The following SLC44A5 variants were observed in gnomAD, a reference collection of about 807,000 sequenced individuals.
SLC44A5 encodes the protein solute carrier family 44 member 5.
SLC44A5 carries 57 observed loss-of-function variants against 101.8 expected under a neutral mutation model. That is an observed-to-expected ratio of 0.56 (90% CI 0.45 to 0.70). The LOEUF is 0.70. SLC44A5 is among the 30% of genes least tolerant of loss of function. The probability of loss-of-function intolerance (pLI) is 0.00; values close to 1 mark genes in which losing one functional copy is unlikely to be tolerated. For synonymous variants in SLC44A5, 281 were observed against 290.9 expected (o/e 0.97, Z 0.35); for missense variants, 737 against 853.1 (o/e 0.86, Z 1.70).
chr1:75,453,999 A>C (rs1274180648), intron 2 of SLC44A5, among the ~76,000 whole-genome samples: 2 of 152,108 alleles, frequency 1.3e-5, no homozygotes, highest in African/African-American at 4.8e-5. Flanking sequence ...AATTCTACTG[A>C]AACTATCCCA....
chr1:75,367,222 G>C lies in SLC44A5; in HGVS notation c.53-27592C>G, dbSNP rs527441849. Among the ~76,000 whole-genome samples, 176 of 152,320 alleles carry C rather than the reference G, an allele frequency of 1.2e-3. 2 individuals are homozygous for C. In the South Asian group the frequency reaches 0.012, roughly 10 times the overall value. On this transcript the variant is annotated intron_variant, in intron 3 of 23. Coordinates refer to ENST00000370859, the MANE Select transcript of SLC44A5 (RefSeq NM_001130058.2). ...GTTAGGTCCCCAGGATAATGGGATT[G>C]CCTCTGGAATTTCAGTTCAGTGAGG...
Position 75,531,666 on chromosome 1 carries a change from G to C in SLC44A5, c.13+9769C>G, listed in dbSNP as rs1245598349. 2.0e-5 allele frequency among the ~76,000 whole-genome samples: 3 copies of C among 152,076 alleles called. No homozygotes were observed. The East Asian group carries it at 5.8e-4, about 29-fold the overall frequency. On this transcript the variant is annotated intron_variant, in intron 2 of 23. Transcript: ENST00000370859. ...AAAGCTCTACAGGGACCTGGCAATG[G>C]GAAAATATTCATATCTCCAATCTCT...
At chr1:75,220,647 G>A (rs1215196365) in intron 14 of SLC44A5, among the ~76,000 whole-genome samples, 1 of 152,090 alleles carries the variant, frequency 6.6e-6, no homozygotes, top group Non-Finnish European at 1.5e-5. Context: ...CATGGCTTGT[G>A]AAATGTTCAC....
At chr1:75,647,825 G>A in the SLC44A5 span, among the ~76,000 whole-genome samples, 1 of 152,156 alleles carries the variant, frequency 6.6e-6, no homozygotes, top group African/African-American at 2.4e-5. Context: ...ATTGTACCTT[G>A]GAAGTAACTA....
At chr1:75,686,940 C>T in the SLC44A5 span, among the ~76,000 whole-genome samples, 5 of 152,128 alleles carry the variant, frequency 3.3e-5, no homozygotes, top group South Asian at 1.0e-3. Context: ...AAGGATGATT[C>T]CAAGGTTGTT....
At chr1:75,469,688 C>T (rs567362220) in intron 2 of SLC44A5, among the ~76,000 whole-genome samples, 62 of 152,094 alleles carry the variant, frequency 4.1e-4, no homozygotes, top group African/African-American at 1.5e-3. Context: ...GGAGGTGAGG[C>T]AGAAGGATTG....
chr1:75,215,496 A>G (rs980120799), intron 19 of SLC44A5, among the ~76,000 whole-genome samples: 4 of 152,144 alleles, frequency 2.6e-5, no homozygotes, highest in Admixed American at 2.6e-4. Context: ...TTTTTATCCA[A>G]CACACTTATA....
At chr1:75,300,765 G>A in intron 4 of SLC44A5, 80 bp from the exon 5 acceptor site, 1 of 838,574 alleles carries the variant, frequency 1.2e-6, no homozygotes, top group Non-Finnish European at 1.8e-6. Context: ...AAGGAAGAGA[G>A]AAAAAGATAG....
the SLC44A5 span, among the ~76,000 whole-genome samples, chr1:75,635,104 A>G: frequency 6.6e-6 from 1 of 151,464 alleles, no homozygotes; most frequent in Non-Finnish European, 1.5e-5. Flanking sequence ...CAAAACCACA[A>G]TGAGATACCA....
chr1:75,353,409 T>A (rs1340998468), intron 3 of SLC44A5, among the ~76,000 whole-genome samples: 2 of 152,186 alleles, frequency 1.3e-5, no homozygotes, highest in African/African-American at 2.4e-5. Flanking sequence ...TTGTCAGCCA[T>A]CCCTACTCGA....
intron 4 of SLC44A5, among the ~76,000 whole-genome samples, chr1:75,302,106 T>A (rs1415600129): frequency 8.9e-6 from 1 of 112,566 alleles, no homozygotes; most frequent in African/African-American, 3.2e-5. Flanking sequence ...GTGCTCTAGT[T>A]TTTTTGTTTT....
intron 1 of SLC44A5, among the ~76,000 whole-genome samples, chr1:75,558,741 C>T (rs891701345): frequency 2.0e-5 from 3 of 152,100 alleles, no homozygotes; most frequent in Non-Finnish European, 4.4e-5. Flanking sequence ...AAAAACAACA[C>T]TTTCCGACCT....
chr1:75,222,105 C>T (rs111618189), intron 14 of SLC44A5, among the ~76,000 whole-genome samples: 302 of 151,912 alleles, frequency 2.0e-3, no homozygotes, highest in African/African-American at 6.8e-3. Flanking sequence ...TACAGGCATG[C>T]GCCACCACGC....
chr1:75,342,797 C>T (rs937877247), intron 3 of SLC44A5, among the ~76,000 whole-genome samples: 9 of 152,120 alleles, frequency 5.9e-5, no homozygotes, highest in African/African-American at 2.2e-4. Context: ...ATGCCATTGT[C>T]GAATCTGCCT....
chr1:75,684,481 T>A, the SLC44A5 span, among the ~76,000 whole-genome samples: 1 of 152,138 alleles, frequency 6.6e-6, no homozygotes, highest in Admixed American at 6.5e-5. Context: ...AAGTTAGTTA[T>A]TTCCTAGATA....
chr1:75,436,507 A>G (rs533963488), intron 2 of SLC44A5, among the ~76,000 whole-genome samples: 4 of 152,264 alleles, frequency 2.6e-5, no homozygotes, highest in Non-Finnish European at 5.9e-5. Context: ...TGTATAGAGC[A>G]CTTACCATGA....
At chr1:75,224,181 G>A (rs1647148005) in intron 13 of SLC44A5, among the ~76,000 whole-genome samples, 1 of 152,178 alleles carries the variant, frequency 6.6e-6, no homozygotes, top group East Asian at 1.9e-4. Context: ...GTAGTGCAAT[G>A]CATTACTCAT....
At chr1:75,316,898 C>A (rs1655734866) in intron 4 of SLC44A5, among the ~76,000 whole-genome samples, 1 of 152,084 alleles carries the variant, frequency 6.6e-6, no homozygotes, top group Non-Finnish European at 1.5e-5. Flanking sequence ...CACATGAATG[C>A]AAATGTGTAA....
rs1651802639 is a variant in SLC44A5 at position 75,274,982 on chromosome 1, CA to C, written c.235del (p.Cys79ValfsTer29). 1 of 1,612,650 alleles carries C rather than the reference CA, an allele frequency of 6.2e-7. No homozygotes were observed. Among genetic ancestry groups the C allele is most frequent in the Non-Finnish European group, 8.5e-7 (1 of 1,179,370 alleles). Reference sequence around the variant, plus strand: ...CTCATTGGGAGTGCCCTTCTGGCCACAAAAGTGGCCCTGGCTGTCTGTAGGA... The same window carrying C: ...CTCATTGGGAGTGCCCTTCTGGCCACAAAGTGGCCCTGGCTGTCTGTAGGA... ...AYPTDSQGHFCGQKGTPNENK... is the reference protein window; with the variant it reads ...AYPTDSQGHFXGQKGTPNENK... On this transcript the variant is annotated frameshift_variant, in exon 6 of 24. Coordinates refer to ENST00000370859, the MANE Select transcript of SLC44A5 (RefSeq NM_001130058.2). LOFTEE classifies it high-confidence loss of function.
Sources: gnomAD v4.1 joint callset for allele counts (sites outside exome capture counted in the v4.1 genomes callset) on GRCh38, gnomAD v4.1.1 for gene constraint, MANE v1.5 for transcripts, NCBI Gene and HGNC (gene_info 2026-07-23, HGNC 2026-07-21) for gene names.